KAT6B: variants seen among roughly 807,000 people sequenced by gnomAD.
KAT6B encodes the protein lysine acetyltransferase 6B, also known as histone acetyltransferase KAT6B.
KAT6B carries 10 observed loss-of-function variants against 187.5 expected under a neutral mutation model. The observed-to-expected ratio is 0.05, with a 90% CI of 0.03 to 0.09. The LOEUF is 0.09. Among genes scored for constraint, KAT6B ranks in the 10% least tolerant of loss-of-function variants. The pLI, the probability that KAT6B is intolerant of heterozygous loss-of-function variation, is 1.00. For synonymous variants in KAT6B, 861 were observed against 926.8 expected (o/e 0.93, Z 1.29); for missense variants, 1,952 against 2,558.9 (o/e 0.76, Z 5.12).
intron 13 of KAT6B, among the ~76,000 whole-genome samples, chr10:74,991,784 G>C (rs1039662010): frequency 8.5e-5 from 13 of 152,062 alleles, no homozygotes; most frequent in Admixed American, 6.5e-4. Flanking sequence ...AAGAAAATGG[G>C]AACTGGTGTA....
At chr10:74,958,920 C>T (rs1000994415) in intron 3 of KAT6B, among the ~76,000 whole-genome samples, 1 of 151,936 alleles carries the variant, frequency 6.6e-6, no homozygotes, top group Non-Finnish European at 1.5e-5. Flanking sequence ...CGCCTGTAGT[C>T]CCAGCTACTC....
rs1449839873 is a variant in KAT6B, at chr10:74,989,096, G to C, written c.2613G>C (p.Arg871=). ...MPQHQRQGFG[R]FLIDFSYLLS... ...AGCACCAAAGGCAAGGATTTGGACG[G>C]TTTCTCATTGATTTCAGTAAGTGAA... The change falls in exon 13 of 18, where the codon CGG becomes CGC. Residue 871 remains arginine, a synonymous_variant. Transcript: ENST00000287239. 1.2e-6 allele frequency: 2 copies of C among 1,611,902 alleles called. No individual in the cohort carries two copies. The highest frequency in any genetic ancestry group is 1.7e-6 in the Non-Finnish European group (2 of 1,178,096).
At chr10:74,831,739 C>G (rs189830457) in intron 1 of KAT6B, among the ~76,000 whole-genome samples, 66 of 152,316 alleles carry the variant, frequency 4.3e-4, no homozygotes, top group Middle Eastern at 3.4e-3. Flanking sequence ...CTGCCATCAT[C>G]CTTGCTGCTT....
chr10:74,996,768 C>CAAAAAA (rs56042160), intron 13 of KAT6B, among the ~76,000 whole-genome samples: 1 of 77,082 alleles, frequency 1.3e-5, no homozygotes, highest in Non-Finnish European at 2.5e-5. Context: ...GACTCGGTCT[C>CAAAAAA]AAAAAAAAAA....
At chr10:74,835,967 C>T (rs1841276353) in intron 1 of KAT6B, among the ~76,000 whole-genome samples, 1 of 152,206 alleles carries the variant, frequency 6.6e-6, no homozygotes, top group Non-Finnish European at 1.5e-5. Flanking sequence ...ACCCCTTACC[C>T]ATTAAGCAGT....
chr10:74,948,983 C>T (rs950632442), intron 3 of KAT6B, among the ~76,000 whole-genome samples: 1 of 152,108 alleles, frequency 6.6e-6, no homozygotes, highest in Non-Finnish European at 1.5e-5. Flanking sequence ...GAAGTCTGGA[C>T]CTGCTCCAGT....
intron 17 of KAT6B, among the ~76,000 whole-genome samples, chr10:75,027,609 A>G (rs950693153): frequency 5.3e-5 from 8 of 151,836 alleles, no homozygotes; most frequent in African/African-American, 1.9e-4. Context: ...ATATGTATAT[A>G]GCTATTCATC....
At position 74,837,807 on chromosome 10, in the gene KAT6B, A is replaced by G. The variant is rs1342564561; in HGVS notation, c.-328-876A>G. Reference sequence around the variant, plus strand: ...ATGTGTTTAGTTGAGAATTGGCTACAGATAAGAGACTTCTGATTTTGTTCC... The same window carrying G: ...ATGTGTTTAGTTGAGAATTGGCTACGGATAAGAGACTTCTGATTTTGTTCC... On this transcript the variant is annotated intron_variant, in intron 1 of 17. Transcript: ENST00000287239. 5.3e-5 allele frequency among the ~76,000 whole-genome samples: 8 copies of G among 152,108 alleles called. No homozygotes were observed. The East Asian group carries it at 1.5e-3, about 29-fold the overall frequency.
intron 1 of KAT6B, among the ~76,000 whole-genome samples, chr10:74,835,644 C>G (rs1841242454): frequency 6.6e-6 from 1 of 152,180 alleles, no homozygotes; most frequent in Admixed American, 6.5e-5. Context: ...GAGATCTTGG[C>G]TAAGTCAAGC....
chr10:75,014,603 A>G (rs1844853746), intron 13 of KAT6B, among the ~76,000 whole-genome samples: 1 of 152,226 alleles, frequency 6.6e-6, no homozygotes, highest in South Asian at 2.1e-4. Context: ...AGGCCAAAGC[A>G]TTTGAAAACT....
intron 8 of KAT6B, chr10:74,976,943 T>C: frequency 3.6e-6 from 1 of 278,622 alleles, no homozygotes. Flanking sequence ...AAACCGAAAC[T>C]GTGTCATTTG....
chr10:74,874,822 G>A (rs1212672931), intron 3 of KAT6B, among the ~76,000 whole-genome samples: 1 of 151,972 alleles, frequency 6.6e-6, no homozygotes, highest in African/African-American at 2.4e-5. Context: ...TGGGGTGTGT[G>A]TGTGTGTGTA....
intron 3 of KAT6B, among the ~76,000 whole-genome samples, chr10:74,866,663 A>C (rs1370673692): frequency 1.3e-5 from 2 of 152,158 alleles, no homozygotes; most frequent in African/African-American, 4.8e-5. Flanking sequence ...AGATAACTGT[A>C]AAAGTTATTA....
At chr10:74,833,004 A>G (rs1840982047) in intron 1 of KAT6B, among the ~76,000 whole-genome samples, 1 of 151,582 alleles carries the variant, frequency 6.6e-6, no homozygotes, top group African/African-American at 2.4e-5. Context: ...GCATGGTGGC[A>G]TGTGCCTGTA....
chr10:74,940,867 C>T (rs1849621175), intron 3 of KAT6B, among the ~76,000 whole-genome samples: 1 of 152,156 alleles, frequency 6.6e-6, no homozygotes, highest in African/African-American at 2.4e-5. Context: ...TCTCCAACTC[C>T]TTAGACTCTT....
chr10:74,902,230 C>A (rs1388251850), intron 3 of KAT6B, among the ~76,000 whole-genome samples: 2 of 152,196 alleles, frequency 1.3e-5, no homozygotes, highest in Non-Finnish European at 2.9e-5. Context: ...CTCTTGTATC[C>A]TTTCAGCTCT....
chr10:74,891,155 G>T (rs1459631691), intron 3 of KAT6B, among the ~76,000 whole-genome samples: 1 of 152,214 alleles, frequency 6.6e-6, no homozygotes, highest in Non-Finnish European at 1.5e-5. Flanking sequence ...ATTTGGAATG[G>T]CTTCTTTATT....
At chr10:74,973,218 C>T (rs1009198762) in intron 7 of KAT6B, among the ~76,000 whole-genome samples, 1 of 152,132 alleles carries the variant, frequency 6.6e-6, no homozygotes, top group Non-Finnish European at 1.5e-5. Context: ...ATAATATATT[C>T]GCAGTGGCCT....
intron 3 of KAT6B, among the ~76,000 whole-genome samples, chr10:74,909,763 A>G (rs1847056739): frequency 1.3e-5 from 2 of 152,118 alleles, no homozygotes; most frequent in South Asian, 4.1e-4. Context: ...TATATAGAGT[A>G]CTCAGCACTC....
Sources: allele counts gnomAD v4.1 joint callset (sites outside exome capture counted in the v4.1 genomes callset), GRCh38; gene constraint gnomAD v4.1.1; transcripts MANE v1.5; gene names NCBI Gene and HGNC (gene_info 2026-07-23, HGNC 2026-07-21).